JAZF1: variants seen among roughly 807,000 people sequenced by gnomAD.
JAZF1 encodes juxtaposed with another zinc finger protein 1.
In JAZF1, 8 loss-of-function variants were observed where a neutral mutation model predicts 26.4. The observed-to-expected ratio is 0.30, with a 90% CI of 0.18 to 0.55. The LOEUF (loss-of-function observed/expected upper bound fraction) is 0.55. Ranked by LOEUF, JAZF1 falls within the 20% of genes least tolerant of loss-of-function variation. The pLI is 0.94. For synonymous variants in JAZF1, 126 were observed against 122.3 expected, an observed-to-expected ratio of 1.03 and a Z score of -0.20; for missense variants, 199 against 322.0, an observed-to-expected ratio of 0.62 and a Z score of 2.92.
intron 3 of JAZF1, among the ~76,000 whole-genome samples, chr7:27,872,839 A>G (rs1783609640): frequency 6.6e-6 from 1 of 152,156 alleles, no homozygotes; most frequent in South Asian, 2.1e-4. Context: ...TCCCATTGGA[A>G]TAACAATATC....
intron 1 of JAZF1, among the ~76,000 whole-genome samples, chr7:28,046,734 C>G (rs898279238): frequency 1.3e-5 from 2 of 152,136 alleles, no homozygotes; most frequent in East Asian, 3.8e-4. Context: ...CTGATTGTAA[C>G]TGAAGTTGAA....
intron 1 of JAZF1, among the ~76,000 whole-genome samples, chr7:28,003,217 G>A (rs1399914971): frequency 6.6e-6 from 1 of 150,608 alleles, no homozygotes; most frequent in Non-Finnish European, 1.5e-5. Flanking sequence ...TTATTTTCTT[G>A]GATTTAAAAG....
At chr7:28,094,485 G>A (rs943014233) in intron 1 of JAZF1, among the ~76,000 whole-genome samples, 1 of 152,202 alleles carries the variant, frequency 6.6e-6, no homozygotes, top group Admixed American at 6.5e-5. Flanking sequence ...GGAGAGGCTT[G>A]GCCTGGCCTG....
chr7:28,159,269 C>T (rs995525916), intron 1 of JAZF1, among the ~76,000 whole-genome samples: 10 of 151,842 alleles, frequency 6.6e-5, no homozygotes, highest in Admixed American at 2.6e-4. Flanking sequence ...TTGATGGGAA[C>T]TCCCTGTACT....
At chr7:27,847,081 T>G (rs1406948669) in intron 3 of JAZF1, among the ~76,000 whole-genome samples, 2 of 152,028 alleles carry the variant, frequency 1.3e-5, no homozygotes, top group Non-Finnish European at 2.9e-5. Context: ...GCGATTTTCC[T>G]GCCTCCCAAG....
intron 3 of JAZF1, among the ~76,000 whole-genome samples, chr7:27,857,117 C>T (rs569950437): frequency 3.9e-5 from 6 of 152,178 alleles, no homozygotes; most frequent in Admixed American, 6.5e-5. Context: ...CGGCGCTCGT[C>T]GGGGAGGCTT....
chr7:28,002,108 C>T (rs997118781), intron 1 of JAZF1, among the ~76,000 whole-genome samples: 1 of 152,202 alleles, frequency 6.6e-6, no homozygotes, highest in Non-Finnish European at 1.5e-5. Context: ...CAACAGACAA[C>T]TGAACCAAAG....
At chr7:28,093,479 T>C (rs372606902) in intron 1 of JAZF1, among the ~76,000 whole-genome samples, 1 of 152,216 alleles carries the variant, frequency 6.6e-6, no homozygotes, top group East Asian at 1.9e-4. Context: ...AGCAGCGTTA[T>C]CAGCAGCGTG....
At chr7:28,166,750 C>T (rs1232397646) in intron 1 of JAZF1, among the ~76,000 whole-genome samples, 2 of 152,128 alleles carry the variant, frequency 1.3e-5, no homozygotes, top group Non-Finnish European at 2.9e-5. Context: ...TAAATTAAGG[C>T]TGCTATATTT....
chr7:27,919,212 G>C (rs1306075549), intron 2 of JAZF1, among the ~76,000 whole-genome samples: 1 of 152,158 alleles, frequency 6.6e-6, no homozygotes, highest in Non-Finnish European at 1.5e-5. Flanking sequence ...TGAGCTCTTA[G>C]GAGAGGAAAT....
chr7:27,870,963 A>G (rs1783570473), intron 3 of JAZF1, among the ~76,000 whole-genome samples: 1 of 152,174 alleles, frequency 6.6e-6, no homozygotes, highest in South Asian at 2.1e-4. Context: ...TGCTTCCTGG[A>G]TGATTTTGAC....
intron 1 of JAZF1, among the ~76,000 whole-genome samples, chr7:28,109,921 A>G (rs529832573): frequency 6.6e-6 from 1 of 152,362 alleles, no homozygotes; most frequent in South Asian, 2.1e-4. Context: ...GAATTTAAAA[A>G]AGTAGTAGTA....
intron 1 of JAZF1, among the ~76,000 whole-genome samples, chr7:28,135,680 T>G (rs146203090): frequency 2.0e-5 from 3 of 152,242 alleles, no homozygotes; most frequent in East Asian, 1.9e-4. Context: ...AATTACTTTT[T>G]AAGTCTGATC....
At chr7:27,918,175 G>A (rs1387589979) in intron 2 of JAZF1, among the ~76,000 whole-genome samples, 3 of 152,044 alleles carry the variant, frequency 2.0e-5, no homozygotes, top group Non-Finnish European at 4.4e-5. Flanking sequence ...TGAAATTTGG[G>A]GATTTGTTAC....
rs1562590944 is a variant in JAZF1 at position 28,110,514 on chromosome 7, GAAAA to G, written c.115+69945_115+69948del. ...AAAGGAAAGGAAAGGAAAAGGAAAG[GAAAA>G]GGAAAAGGAAAAGGAAAGGAAAAGG... On this transcript the variant is annotated intron_variant, in intron 1 of 4. Transcript: ENST00000283928. Among the ~76,000 whole-genome samples, 116 of 65,922 alleles carry G rather than the reference GAAAA, an allele frequency of 1.8e-3. 2 individuals carry two copies. The highest frequency in any genetic ancestry group is 6.3e-3 in the East Asian group (7 of 1,110). 43.2% of individuals were successfully genotyped at this position (65,922 alleles called of 152,430 possible). A position where few individuals can be genotyped will look rare whatever the true frequency, so the allele number is the denominator to read the frequency against.
At chr7:28,045,732 A>G (rs371835428) in intron 1 of JAZF1, among the ~76,000 whole-genome samples, 1 of 152,032 alleles carries the variant, frequency 6.6e-6, no homozygotes, top group African/African-American at 2.4e-5. Flanking sequence ...ATGCTATACC[A>G]TGTCCCGCTA....
intron 1 of JAZF1, among the ~76,000 whole-genome samples, chr7:27,996,936 C>A (rs1030999187): frequency 4.6e-5 from 7 of 152,178 alleles, no homozygotes; most frequent in Non-Finnish European, 1.0e-4. Flanking sequence ...GTAGCAGCTT[C>A]ATCAAGGGTA....
intron 3 of JAZF1, among the ~76,000 whole-genome samples, chr7:27,876,599 A>C (rs720659): frequency 0.32 from 49,377 of 152,138 alleles, 8,575 homozygotes; most frequent in African/African-American, 0.43. Flanking sequence ...CTAGTTTCTT[A>C]AAATGTCAAG....
intron 1 of JAZF1, among the ~76,000 whole-genome samples, chr7:28,043,612 A>G (rs1783442848): frequency 6.6e-6 from 1 of 152,200 alleles, no homozygotes; most frequent in Non-Finnish European, 1.5e-5. Flanking sequence ...TAGAATTACC[A>G]TATGACGGGC....
Sources: gnomAD v4.1 joint callset for allele counts (sites outside exome capture counted in the v4.1 genomes callset) on GRCh38, gnomAD v4.1.1 for gene constraint, MANE v1.5 for transcripts, NCBI Gene and HGNC (gene_info 2026-07-23, HGNC 2026-07-21) for gene names.